Variants in MYO9B observed in about 807,000 individuals in gnomAD.
MYO9B encodes unconventional myosin-IXb.
Under a neutral mutation model 229.5 loss-of-function variants are expected in MYO9B, and 71 were observed. The ratio of observed to expected loss-of-function variants is 0.31; its 90% CI spans 0.26 to 0.38. The LOEUF (loss-of-function observed/expected upper bound fraction) is 0.38. Among genes scored for constraint, MYO9B ranks in the 10% least tolerant of loss-of-function variants. The probability of loss-of-function intolerance (pLI) is 1.00; values close to 1 mark genes in which losing one functional copy is unlikely to be tolerated. For missense variants in MYO9B, 2,255 were observed against 2,920.5 expected (o/e 0.77, Z 5.25); for synonymous variants, 1,185 against 1,235.8 (o/e 0.96, Z 0.86).
At chr19:17,210,632 A>G in intron 37 of MYO9B, 83 bp from the exon 38 acceptor site, 1 of 1,443,344 alleles carries the variant, frequency 6.9e-7, no homozygotes, top group African/African-American at 1.4e-5. Flanking sequence ...ATCACAACTA[A>G]CCTCCTGGGA....
chr19:17,081,415 TTAAA>T (rs1485571195), intron 1 of MYO9B, among the ~76,000 whole-genome samples: 4 of 152,124 alleles, frequency 2.6e-5, no homozygotes, highest in Non-Finnish European at 4.4e-5. Context: ...TCTCACTCCT[TTAAA>T]TAAACACTTT....
In MYO9B at chr19:17,101,621, C is replaced by T. The variant is rs953852044; in HGVS notation, c.-58-39C>T. On this transcript the variant is annotated intron_variant, in intron 1 of 39. Transcript: ENST00000682292. This position sits in a 1 kb window ranked among gnomAD's most constrained non-coding sequence, Gnocchi z 4.7. The stretch of plus-strand genomic sequence containing the variant: ...TCCACATGCCCCTTAAACTTCCTCC[C>T]ACCATTCTGACCATGCCTGGCTCTG... 3 of 1,445,514 alleles carry T rather than the reference C, an allele frequency of 2.1e-6. No individual in the cohort carries two copies. Among genetic ancestry groups the T allele is most frequent in the Non-Finnish European group, 2.7e-6 (3 of 1,102,520 alleles). The allele number at this position is 1,445,514 out of a possible 1,614,324, so 89.5% of individuals were successfully genotyped here. A position where few individuals can be genotyped will look rare whatever the true frequency, so the allele number is the denominator to read the frequency against.
At chr19:17,167,922 G>T (rs769570523) in intron 10 of MYO9B, 21 bp from the exon 11 acceptor site, 2 of 1,553,496 alleles carry the variant, frequency 1.3e-6, no homozygotes, top group South Asian at 2.4e-5. Context: ...GAAACTTACC[G>T]ACCCCGCGCC....
intron 2 of MYO9B, among the ~76,000 whole-genome samples, chr19:17,142,200 A>G (rs146494803): frequency 1.8e-4 from 28 of 151,902 alleles, no homozygotes; most frequent in Non-Finnish European, 3.7e-4. Flanking sequence ...AGAAGCGGCA[A>G]CCAGACACAA....
intron 1 of MYO9B, among the ~76,000 whole-genome samples, chr19:17,080,067 G>A (rs2057520786): frequency 1.3e-5 from 2 of 152,198 alleles, no homozygotes; most frequent in African/African-American, 4.8e-5. Flanking sequence ...TTCTGAGCCC[G>A]AGCCCGATGA....
At chr19:17,107,096 C>T (rs1331843291) in intron 2 of MYO9B, among the ~76,000 whole-genome samples, 1 of 151,878 alleles carries the variant, frequency 6.6e-6, no homozygotes, top group Non-Finnish European at 1.5e-5. Flanking sequence ...ATTAGCCAGG[C>T]ATGGCAGTGC....
At chr19:17,085,978 G>A (rs2057578925) in intron 1 of MYO9B, among the ~76,000 whole-genome samples, 1 of 152,122 alleles carries the variant, frequency 6.6e-6, no homozygotes, top group Admixed American at 6.5e-5. Context: ...ACCACCCAGT[G>A]GCTCTGCCTT....
At chr19:17,159,616 T>C (rs1220698355) in intron 8 of MYO9B, 132 bp downstream of exon 8, 3 of 836,752 alleles carry the variant, frequency 3.6e-6, no homozygotes, top group Admixed American at 2.3e-5. Context: ...GTGCCTCTGA[T>C]TGTCATGCAA....
At chr19:17,110,020 C>G (rs949781104) in intron 2 of MYO9B, among the ~76,000 whole-genome samples, 3 of 152,192 alleles carry the variant, frequency 2.0e-5, no homozygotes, top group Admixed American at 6.5e-5. Flanking sequence ...CCCCAGCCCC[C>G]CGTTCAGGCT....
rs1225177605 is a variant in MYO9B, at chr19:17,101,427, A to G, written c.-58-233A>G. ...AGCGATCCTCCCACCTTGGCCTCCT[A>G]AAGTGTTGGGATTATAAGCATGAGC... is the stretch of plus-strand genomic sequence containing the variant. On this transcript the variant is annotated intron_variant, in intron 1 of 39. Transcript: ENST00000682292. The surrounding 1 kb of genome is among the most constrained non-coding windows in gnomAD (Gnocchi z 4.7). Among the ~76,000 whole-genome samples, 2 of 151,898 alleles carry G rather than the reference A, an allele frequency of 1.3e-5. No homozygotes were observed. Among genetic ancestry groups the G allele is most frequent in the African/African-American group, 2.4e-5 (1 of 41,356 alleles).
At chr19:17,182,390 A>C (rs575085870) in intron 15 of MYO9B, among the ~76,000 whole-genome samples, 2 of 151,348 alleles carry the variant, frequency 1.3e-5, no homozygotes, top group African/African-American at 2.4e-5. Flanking sequence ...ACCCAGTGGG[A>C]GCCTGTTTAA....
intron 1 of MYO9B, among the ~76,000 whole-genome samples, chr19:17,096,332 T>C (rs1170601895): frequency 6.6e-6 from 1 of 152,074 alleles, no homozygotes; most frequent in Non-Finnish European, 1.5e-5. Context: ...ACGTGCTAGG[T>C]ATGTGTTTTA....
chr19:17,107,321 T>C (rs1163419084), intron 2 of MYO9B, among the ~76,000 whole-genome samples: 1 of 152,180 alleles, frequency 6.6e-6, no homozygotes, highest in Non-Finnish European at 1.5e-5. Flanking sequence ...CAAATGGGAC[T>C]AGGCAGGTGG....
At chr19:17,123,424 T>TTGTGTGTGTGTGTGTGTGTG (rs3222984) in intron 2 of MYO9B, among the ~76,000 whole-genome samples, 7 of 146,934 alleles carry the variant, frequency 4.8e-5, no homozygotes, top group Non-Finnish European at 7.5e-5. Flanking sequence ...CAGTAGAAAT[T>TTGTGTGTGTGTGTGTGTGTG]TGTGTGTGTG....
At chr19:17,111,600 T>G (rs565660370) in intron 2 of MYO9B, among the ~76,000 whole-genome samples, 1 of 152,236 alleles carries the variant, frequency 6.6e-6, no homozygotes, top group South Asian at 2.1e-4. Context: ...TTTTTTTATT[T>G]TTTGTAGAGA....
At chr19:17,102,664 G>T in intron 2 of MYO9B, 107 bp downstream of exon 2, 1 of 1,409,180 alleles carries the variant, frequency 7.1e-7, no homozygotes, top group Non-Finnish European at 9.3e-7. Flanking sequence ...GCTTTGGAAG[G>T]CTGAGGGAGG....
intron 14 of MYO9B, 98 bp downstream of exon 14, chr19:17,175,839 T>TC: frequency 1.0e-6 from 1 of 982,706 alleles, no homozygotes; most frequent in Non-Finnish European, 1.5e-6. Context: ...TTTTTTTTTT[T>TC]TTTTTCTTTT....
intron 4 of MYO9B, among the ~76,000 whole-genome samples, chr19:17,152,979 T>G (rs1040009375): frequency 6.6e-6 from 1 of 152,088 alleles, no homozygotes; most frequent in Non-Finnish European, 1.5e-5. Flanking sequence ...CAAAATATAC[T>G]TAGATTGGAA....
intron 36 of MYO9B, 106 bp downstream of exon 36, chr19:17,209,815 G>T: frequency 1.6e-6 from 2 of 1,235,880 alleles, no homozygotes; most frequent in East Asian, 2.7e-5. Flanking sequence ...GGTGAGTGGG[G>T]TCTTGGTGGG....
Sources: gnomAD v4.1 joint callset for allele counts (sites outside exome capture counted in the v4.1 genomes callset) on GRCh38, gnomAD v4.1.1 for gene constraint, Gnocchi (gnomAD v3.1) non-coding constraint, MANE v1.5 for transcripts, NCBI Gene and HGNC (gene_info 2026-07-23, HGNC 2026-07-21) for gene names.